CARM1: variants seen among roughly 807,000 people sequenced by gnomAD.
CARM1 encodes the protein coactivator associated arginine methyltransferase 1, also known as histone-arginine methyltransferase CARM1.
Under a neutral mutation model 72.7 loss-of-function variants are expected in CARM1, and 14 were observed. The observed-to-expected ratio is 0.19, with a 90% CI of 0.13 to 0.30. CARM1 has a LOEUF of 0.30. Ranked by LOEUF, CARM1 falls within the 10% of genes least tolerant of loss-of-function variation. The probability of loss-of-function intolerance (pLI) is 1.00; values close to 1 mark genes in which losing one functional copy is unlikely to be tolerated. For synonymous variants in CARM1, 333 were observed against 345.5 expected, an observed-to-expected ratio of 0.96 and a Z score of 0.40; for missense variants, 432 against 833.7, an observed-to-expected ratio of 0.52 and a Z score of 5.93.
In CARM1 at chr19:10,921,785, A is replaced by G. The variant is rs1255625064; in HGVS notation, c.*28A>G. Reference sequence around the variant, plus strand: ...GCCCGCCCCGCGGACTGACAGCACCAGGAAACCAAATGATGTCCCTGCCCG... The same window carrying G: ...GCCCGCCCCGCGGACTGACAGCACCGGGAAACCAAATGATGTCCCTGCCCG... On this transcript the variant is annotated 3_prime_UTR_variant, in exon 16 of 16. Coordinates refer to ENST00000327064, the MANE Select transcript of CARM1 (RefSeq NM_199141.2). The G allele has an allele frequency of 3.2e-6, 5 of 1,559,800 alleles. No homozygotes were observed. The highest frequency in any genetic ancestry group is 1.9e-5 in the Admixed American group (1 of 53,044).
At chr19:10,905,153 G>C (rs540351252) in intron 2 of CARM1, 77 bp downstream of exon 2, 1 of 1,553,694 alleles carries the variant, frequency 6.4e-7, no homozygotes, top group African/African-American at 1.4e-5. Flanking sequence ...CGTAGAGCCT[G>C]GCTGAGGGGT....
rs375404812 is a variant in CARM1 at position 10,921,030 on chromosome 19, G to T, written c.1538-20G>T. 3 of 1,613,690 alleles carry T rather than the reference G, an allele frequency of 1.9e-6. No homozygotes were observed. The highest frequency in any genetic ancestry group is 2.5e-6 in the Non-Finnish European group (3 of 1,179,724). ...TGGCCCCTCTGCCTCCAGCCCTGACGTCTCCCTCTCTGGACACAGGGATGC... is the reference window on the plus strand; with the variant it reads ...TGGCCCCTCTGCCTCCAGCCCTGACTTCTCCCTCTCTGGACACAGGGATGC... On this transcript the variant is annotated intron_variant, in intron 13 of 15. Coordinates refer to ENST00000327064, the MANE Select transcript of CARM1 (RefSeq NM_199141.2).
At position 10,912,824 on chromosome 19, in the gene CARM1, T is replaced by A. The variant is rs955187794; in HGVS notation, c.669+530T>A. Among the ~76,000 whole-genome samples the A allele has an allele frequency of 4.6e-5, 7 of 152,218 alleles. No homozygotes were observed. The highest frequency in any genetic ancestry group is 8.8e-5 in the Non-Finnish European group (6 of 68,040). On this transcript the variant is annotated intron_variant, in intron 5 of 15. Transcript: ENST00000327064. The surrounding 1 kb of genome is among the most constrained non-coding windows in gnomAD (Gnocchi z 4.5). ...ACCCCTGTGCCCAGCCGTGCCGCTG[T>A]TGCTTTAGCTGCATTGTGTCCGCAG...
intron 1 of CARM1, among the ~76,000 whole-genome samples, chr19:10,895,045 G>A (rs1440854536): frequency 1.3e-5 from 2 of 151,698 alleles, no homozygotes; most frequent in Non-Finnish European, 2.9e-5. Context: ...GTTCCCAGCC[G>A]GCCTCCTTAT....
intron 1 of CARM1, among the ~76,000 whole-genome samples, chr19:10,881,740 G>C (rs191856331): frequency 3.3e-5 from 5 of 152,222 alleles, no homozygotes; most frequent in African/African-American, 1.2e-4. Flanking sequence ...CATTCAGCCA[G>C]AAACAGGCAG....
chr19:10,919,392 C>A, intron 8 of CARM1: 1 of 566,162 alleles, frequency 1.8e-6, no homozygotes, highest in South Asian at 2.3e-5. Context: ...TGTGGATAAA[C>A]ACTTGTCATT....
Position 10,921,617 on chromosome 19 carries a change from T to G in CARM1, c.1687T>G (p.Ser563Ala), listed in dbSNP as rs2074252038. The change falls in exon 16 of 16, where the codon TCC (serine) becomes GCC (alanine). Residue 563 changes from serine (S) to alanine (A), a missense_variant and splice_region_variant. This residue lies in a region of CARM1 where 142 missense variants were observed against 188.7 expected (regional missense o/e 0.75). Coordinates refer to ENST00000327064, the MANE Select transcript of CARM1 (RefSeq NM_199141.2). ...SIMSTGIVQGSSGAQGSGGGS... is the reference protein window; with the variant it reads ...SIMSTGIVQGASGAQGSGGGS... Reference sequence around the variant, plus strand: ...CACTGCCATTGCCTGCTCCACAGGGTCCTCCGGCGCCCAGGGCAGTGGTGG... The same window carrying G: ...CACTGCCATTGCCTGCTCCACAGGGGCCTCCGGCGCCCAGGGCAGTGGTGG... 3 of 1,610,358 alleles carry G rather than the reference T, an allele frequency of 1.9e-6. No homozygotes were observed. Among genetic ancestry groups the G allele is most frequent in the African/African-American group, 1.3e-5 (1 of 74,944 alleles).
chr19:10,908,118 G>T lies in CARM1; in HGVS notation c.426G>T (p.Glu142Asp). 1 of 1,613,860 alleles carries T rather than the reference G, an allele frequency of 6.2e-7. No individual in the cohort carries two copies. The highest frequency in any genetic ancestry group is 8.5e-7 in the Non-Finnish European group (1 of 1,179,792). The change falls in exon 3 of 16, where the codon GAG (glutamate) becomes GAT (aspartate). Residue 142 changes from glutamate to aspartate, a missense_variant. This residue lies in a region of CARM1 where 152 missense variants were observed against 452.8 expected (regional missense o/e 0.34). Transcript: ENST00000327064. ...GGTCTGTGTTCAGCGAGCGGACGGAGGAGTCTTCTGCCGTGCAGTACTTCC... is the reference window on the plus strand; with the variant it reads ...GGTCTGTGTTCAGCGAGCGGACGGATGAGTCTTCTGCCGTGCAGTACTTCC... Reference protein sequence around the residue: ...LERSVFSERTEESSAVQYFQF... With the variant: ...LERSVFSERTDESSAVQYFQF...
At chr19:10,886,899 C>T (rs1359890956) in intron 1 of CARM1, among the ~76,000 whole-genome samples, 1 of 152,138 alleles carries the variant, frequency 6.6e-6, no homozygotes. Flanking sequence ...AAATGATCCT[C>T]TTGCCTCAGC....
At chr19:10,899,407 G>A (rs778430448) in intron 1 of CARM1, among the ~76,000 whole-genome samples, 1 of 152,230 alleles carries the variant, frequency 6.6e-6, no homozygotes, top group East Asian at 1.9e-4. Flanking sequence ...GCCCCAGGAC[G>A]GGTATGAGTG....
At chr19:10,873,273 A>G (rs529928637) in intron 1 of CARM1, among the ~76,000 whole-genome samples, 5 of 152,302 alleles carry the variant, frequency 3.3e-5, no homozygotes, top group Admixed American at 3.3e-4. Context: ...AAGGAGTTCC[A>G]GGAGAGTTGG....
intron 2 of CARM1, among the ~76,000 whole-genome samples, chr19:10,906,173 C>G (rs910684302): frequency 1.4e-5 from 2 of 140,548 alleles, no homozygotes; most frequent in Non-Finnish European, 3.1e-5. Flanking sequence ...AGGCTGGTCT[C>G]AAACTCCTGG....
rs150058416 is a variant in CARM1 at position 10,882,752 on chromosome 19, G to T, written c.220+10830G>T. On this transcript the variant is annotated intron_variant, in intron 1 of 15. Coordinates refer to ENST00000327064, the MANE Select transcript of CARM1 (RefSeq NM_199141.2). Reference sequence around the variant, plus strand: ...AGACGGGGTTTCACCATGTTAGCCAGGCTGGCCTCGAACTCCTAACCTCAA... The same window carrying T: ...AGACGGGGTTTCACCATGTTAGCCATGCTGGCCTCGAACTCCTAACCTCAA... Among the ~76,000 whole-genome samples, 1,137 of 152,154 alleles carry T rather than the reference G, an allele frequency of 7.5e-3. 9 individuals carry two copies. The highest frequency in any genetic ancestry group is 0.012 in the Non-Finnish European group (850 of 68,004).
rs1013587624 is a variant in CARM1, at chr19:10,915,917, TG to T, written c.848-488del. Reference sequence around the variant, plus strand: ...TGTGCCAGAACCTAGGCAGTCCCTGTGGTGTGGATTTGGCTTCCCCCACCTG... The same window carrying T: ...TGTGCCAGAACCTAGGCAGTCCCTGTGTGTGGATTTGGCTTCCCCCACCTG... On this transcript the variant is annotated intron_variant, in intron 6 of 15. Coordinates refer to ENST00000327064, the MANE Select transcript of CARM1 (RefSeq NM_199141.2). The surrounding 1 kb of genome is among the most constrained non-coding windows in gnomAD (Gnocchi z 4.6). Among the ~76,000 whole-genome samples, 23 of 152,308 alleles carry T rather than the reference TG, an allele frequency of 1.5e-4. No homozygotes were observed. The highest frequency in any genetic ancestry group is 2.9e-4 in the Non-Finnish European group (20 of 68,012).
intron 1 of CARM1, among the ~76,000 whole-genome samples, chr19:10,872,461 G>C (rs1327853755): frequency 6.6e-6 from 1 of 152,166 alleles, no homozygotes; most frequent in African/African-American, 2.4e-5. Context: ...GCGAGGTGTG[G>C]CGTTCAGGAC....
intron 1 of CARM1, among the ~76,000 whole-genome samples, chr19:10,899,030 CTTG>C (rs2074044179): frequency 7.5e-6 from 1 of 132,546 alleles, no homozygotes; most frequent in East Asian, 2.2e-4. Context: ...CACGGCTTAG[CTTG>C]TTTTTTTTTT....
intron 1 of CARM1, among the ~76,000 whole-genome samples, chr19:10,885,303 T>A (rs1296263802): frequency 6.6e-6 from 1 of 152,208 alleles, no homozygotes; most frequent in Non-Finnish European, 1.5e-5. Flanking sequence ...TCTTCCTTTT[T>A]GTCTGTCTCT....
chr19:10,880,385 A>T (rs915297848), intron 1 of CARM1, among the ~76,000 whole-genome samples: 1 of 151,704 alleles, frequency 6.6e-6, no homozygotes, highest in Non-Finnish European at 1.5e-5. Context: ...TTGCTGTGTC[A>T]CCCAGGCTGG....
intron 1 of CARM1, among the ~76,000 whole-genome samples, chr19:10,895,113 T>C (rs1039072038): frequency 1.3e-5 from 2 of 151,770 alleles, no homozygotes; most frequent in East Asian, 3.9e-4. Flanking sequence ...GGTTCTCTTT[T>C]TTTTTCTTTT....
Sources: gnomAD v4.1 joint callset for allele counts (sites outside exome capture counted in the v4.1 genomes callset) on GRCh38, gnomAD v4.1.1 for gene constraint, gnomAD v4.1.1 regional missense constraint, Gnocchi (gnomAD v3.1) non-coding constraint, MANE v1.5 for transcripts, NCBI Gene and HGNC (gene_info 2026-07-23, HGNC 2026-07-21) for gene names.